Variants in TBCK observed in about 807,000 individuals in gnomAD.
TBCK encodes TBC domain-containing protein kinase-like protein.
Under a neutral mutation model 113.4 loss-of-function variants are expected in TBCK, and 99 were observed. The ratio of observed to expected loss-of-function variants is 0.87; its 90% CI spans 0.74 to 1.03. The LOEUF (loss-of-function observed/expected upper bound fraction) is 1.03. TBCK is among the 50% of genes least tolerant of loss of function. The pLI is 0.00. For synonymous variants in TBCK, 369 were observed against 370.8 expected (o/e 1.00, Z 0.05); for missense variants, 1,045 against 1,061.3 (o/e 0.98, Z 0.21).
chr4:106,157,147 G>C (rs1380873979), intron 23 of TBCK, among the ~76,000 whole-genome samples: 1 of 152,068 alleles, frequency 6.6e-6, no homozygotes, highest in Admixed American at 6.6e-5. Flanking sequence ...CTGGGAGCTA[G>C]GTCCTGGAAA....
intron 24 of TBCK, among the ~76,000 whole-genome samples, chr4:106,103,242 G>A (rs534560865): frequency 7.4e-4 from 113 of 152,316 alleles, no homozygotes; most frequent in African/African-American, 2.6e-3. Context: ...GGCTACATCT[G>A]TATAAAGATA....
intron 25 of TBCK, among the ~76,000 whole-genome samples, chr4:106,070,774 C>G (rs544971189): frequency 2.7e-4 from 41 of 152,020 alleles, no homozygotes; most frequent in African/African-American, 8.9e-4. Context: ...ATCTGGTCCT[C>G]GACTTTTTTT....
rs7657962 is a variant in TBCK at position 106,045,558 on chromosome 4, G to A, written c.*1012C>T. 0.28 allele frequency: 42,376 copies of A among 152,086 alleles called. 6,175 individuals carry two copies. The highest frequency in any genetic ancestry group is 0.34 in the Middle Eastern group (101 of 296). 9.4% of individuals were successfully genotyped at this position (152,086 alleles called of 1,614,324 possible). A position where few individuals can be genotyped will look rare whatever the true frequency, so the allele number is the denominator to read the frequency against. On this transcript the variant is annotated 3_prime_UTR_variant, in exon 26 of 26. Transcript: ENST00000394708. The stretch of plus-strand genomic sequence containing the variant: ...TTTCCAGTTTTCCTTAAAGCTAGGT[G>A]TGGCCATGCACCCAAGTTCTGGCCA...
chr4:106,279,798 G>GTA (rs1282598108), intron 3 of TBCK, among the ~76,000 whole-genome samples: 1 of 152,038 alleles, frequency 6.6e-6, no homozygotes, highest in Non-Finnish European at 1.5e-5. Flanking sequence ...ACTCCATTGT[G>GTA]TATATGTACC....
chr4:106,044,315 A>C lies in TBCK; in HGVS notation c.*2255T>G, dbSNP rs1734026762. On this transcript the variant is annotated 3_prime_UTR_variant, in exon 26 of 26. Transcript: ENST00000394708. ...TCAAAGACTGAAGGAAGAAAATAGT[A>C]ATTGCCAGGACAGGAGGATTTAATA... 1 of 152,214 alleles carries C rather than the reference A, an allele frequency of 6.6e-6. No individual in the cohort carries two copies. Among genetic ancestry groups the C allele is most frequent in the African/African-American group, 2.4e-5 (1 of 41,462 alleles). 9.4% of individuals were successfully genotyped at this position (152,214 alleles called of 1,614,324 possible). A position where few individuals can be genotyped will look rare whatever the true frequency, so the allele number is the denominator to read the frequency against.
chr4:106,219,006 G>T (rs1475316228), intron 19 of TBCK, among the ~76,000 whole-genome samples: 1 of 151,864 alleles, frequency 6.6e-6, no homozygotes, highest in Non-Finnish European at 1.5e-5. Context: ...TTAAGAAAAT[G>T]TGGCACATAT....
chr4:106,070,992 C>T (rs1371769168), intron 25 of TBCK, among the ~76,000 whole-genome samples: 1 of 150,328 alleles, frequency 6.7e-6, no homozygotes, highest in Non-Finnish European at 1.5e-5. Context: ...TGGTGATATC[C>T]CTTTTATTAG....
rs184870760 is a variant in TBCK, at chr4:106,260,851, G to C, written c.382-341C>G. 2.1e-3 allele frequency among the ~76,000 whole-genome samples: 318 copies of C among 151,922 alleles called. No homozygotes were observed. In the Middle Eastern group the frequency reaches 0.024, roughly 12 times the overall value. On this transcript the variant is annotated intron_variant, in intron 4 of 25. Coordinates refer to ENST00000394708, the MANE Select transcript of TBCK (RefSeq NM_001163435.3). ...ACATTCTCATCTGTCTTGAAACCTT[G>C]GTTAGAATGTTTTGTGGTAATTTTC...
intron 2 of TBCK, among the ~76,000 whole-genome samples, chr4:106,307,979 T>C (rs1160349215): frequency 6.6e-6 from 1 of 152,132 alleles, no homozygotes; most frequent in Non-Finnish European, 1.5e-5. Context: ...AAAAATCTAC[T>C]GACTCCCTTT....
intron 3 of TBCK, among the ~76,000 whole-genome samples, chr4:106,282,499 C>A (rs531567132): frequency 2.0e-5 from 3 of 151,060 alleles, no homozygotes; most frequent in South Asian, 4.2e-4. Context: ...TCATTATATT[C>A]TTTGATTTTT....
intron 2 of TBCK, among the ~76,000 whole-genome samples, chr4:106,306,543 G>C (rs1017879992): frequency 4.6e-5 from 7 of 152,160 alleles, no homozygotes; most frequent in Admixed American, 1.3e-4. Flanking sequence ...CTTGGGACCT[G>C]GGGTAATGAG....
chr4:106,122,274 A>G lies in TBCK; in HGVS notation c.2236-5896T>C, dbSNP rs1175476892. On this transcript the variant is annotated intron_variant, in intron 23 of 25. Transcript: ENST00000394708. ...CTACGCAAATAAACTAGAAAATCTAAAAGAAATGGATAAATTCCTCGACAC... is the reference window on the plus strand; with the variant it reads ...CTACGCAAATAAACTAGAAAATCTAGAAGAAATGGATAAATTCCTCGACAC... Among the ~76,000 whole-genome samples, 11 of 152,234 alleles carry G rather than the reference A, an allele frequency of 7.2e-5. No individual in the cohort carries two copies. In the South Asian group the frequency reaches 8.3e-4, roughly 11 times the overall value.
chr4:106,117,290 T>C (rs1261019804), intron 23 of TBCK, among the ~76,000 whole-genome samples: 1 of 152,202 alleles, frequency 6.6e-6, no homozygotes. Flanking sequence ...TCAGGTAATA[T>C]GAGAAATTGC....
At chr4:106,074,229 A>G (rs1361566854) in intron 25 of TBCK, among the ~76,000 whole-genome samples, 1 of 152,184 alleles carries the variant, frequency 6.6e-6, no homozygotes, top group Non-Finnish European at 1.5e-5. Context: ...AGCTGTTCCT[A>G]TTCAGCCATC....
chr4:106,221,033 T>A (rs555745997), intron 19 of TBCK, among the ~76,000 whole-genome samples: 2 of 152,342 alleles, frequency 1.3e-5, no homozygotes, highest in East Asian at 3.9e-4. Context: ...TTATTAAATA[T>A]CATTCTTATT....
rs963772203 is a variant in TBCK, at chr4:106,231,800, G to C, written c.1640-21C>G. 5 of 1,600,324 alleles carry C rather than the reference G, an allele frequency of 3.1e-6. No homozygotes were observed. In the Admixed American group the frequency reaches 5.2e-5, roughly 17 times the overall value. On this transcript the variant is annotated intron_variant, in intron 17 of 25. Coordinates refer to ENST00000394708, the MANE Select transcript of TBCK (RefSeq NM_001163435.3). ...AAGACCTAACACAGAGGGGTTGGGA[G>C]AAAGAAGTCAAATAAATATAATCTA...
chr4:106,187,603 A>G (rs1250971539), intron 22 of TBCK, among the ~76,000 whole-genome samples: 1 of 151,960 alleles, frequency 6.6e-6, no homozygotes, highest in East Asian at 1.9e-4. Context: ...TTTAGTAGAG[A>G]TGGGGTTTCA....
intron 25 of TBCK, among the ~76,000 whole-genome samples, chr4:106,056,805 A>C (rs1263085747): frequency 6.6e-6 from 1 of 151,730 alleles, no homozygotes; most frequent in African/African-American, 2.4e-5. Context: ...CCCTTCCAAG[A>C]AATAGTTTGC....
At chr4:106,081,462 G>A (rs1258915335) in intron 25 of TBCK, among the ~76,000 whole-genome samples, 2 of 152,152 alleles carry the variant, frequency 1.3e-5, no homozygotes, top group East Asian at 1.9e-4. Flanking sequence ...GGAGCTGAAC[G>A]ATGGGAACAC....
Sources: gnomAD v4.1 joint callset for allele counts (sites outside exome capture counted in the v4.1 genomes callset) on GRCh38, gnomAD v4.1.1 for gene constraint, MANE v1.5 for transcripts, NCBI Gene and HGNC (gene_info 2026-07-23, HGNC 2026-07-21) for gene names.